ELF1: variants seen among roughly 807,000 people sequenced by gnomAD.
ELF1 encodes the protein ETS-related transcription factor Elf-1.
Under a neutral mutation model 59.9 loss-of-function variants are expected in ELF1, and 24 were observed. The ratio of observed to expected loss-of-function variants is 0.40; its 90% CI spans 0.29 to 0.56. The LOEUF (loss-of-function observed/expected upper bound fraction) is 0.56, where lower values mean the gene tolerates loss of function less well. ELF1 is among the 20% of genes least tolerant of loss of function. The pLI, the probability that ELF1 is intolerant of heterozygous loss-of-function variation, is 0.44. For synonymous variants in ELF1, 248 were observed against 266.2 expected (o/e 0.93, Z 0.67); for missense variants, 627 against 742.2 (o/e 0.84, Z 1.80).
chr13:41,061,067 C>A (rs945178427), exon 1 of ELF1: 5 of 194,500 alleles, frequency 2.6e-5, no homozygotes, highest in Admixed American at 6.1e-5. Flanking sequence ...CGAAGCCTAG[C>A]GACTCGCAGC....
At chr13:41,014,539 T>C (rs578168926) in intron 1 of ELF1, among the ~76,000 whole-genome samples, 91 of 152,244 alleles carry the variant, frequency 6.0e-4, no homozygotes, top group African/African-American at 2.0e-3. Flanking sequence ...GCCACTTTTA[T>C]TATAGTATAC....
At chr13:40,965,792 G>C (rs187070252) in intron 2 of ELF1, among the ~76,000 whole-genome samples, 156 of 152,114 alleles carry the variant, frequency 1.0e-3, no homozygotes, top group Admixed American at 3.2e-3. Context: ...TCTTTTATTT[G>C]CATCATGAAA....
At chr13:40,993,372 T>C in intron 1 of ELF1, 1 of 1,001,578 alleles carries the variant, frequency 1.0e-6, no homozygotes, top group Non-Finnish European at 1.6e-6. Context: ...CCTGCAGGTG[T>C]GGGCAGTGCA....
In ELF1 at chr13:40,981,026, A is replaced by G. The variant is rs1873230424; in HGVS notation, c.72+957T>C. ...ACACAGCTAAAAAAATTTTAATTTT[A>G]TAAAAATCATTAAATTCACTCTGCC... is the stretch of plus-strand genomic sequence containing the variant. On this transcript the variant is annotated intron_variant, in intron 2 of 8. Transcript: ENST00000239882. Among the ~76,000 whole-genome samples, 5 of 152,168 alleles carry G rather than the reference A, an allele frequency of 3.3e-5. No individual in the cohort carries two copies. The South Asian group carries it at 1.0e-3, about 31-fold the overall frequency.
intron 1 of ELF1, among the ~76,000 whole-genome samples, chr13:41,043,206 C>T (rs1876697398): frequency 6.6e-6 from 1 of 151,956 alleles, no homozygotes; most frequent in Non-Finnish European, 1.5e-5. Context: ...GGATATTAGC[C>T]CTTTGTCAGA....
chr13:40,941,273 C>T lies in ELF1; in HGVS notation c.904G>A (p.Glu302Lys). ...MPKDLIYINDEDPSSSIESSD... is the reference protein window; with the variant it reads ...MPKDLIYINDKDPSSSIESSD... ...GACTCTATGCTGGAACTTGGATCCT[C>T]ATCATTTATATATATAAGATCTTTT... The change falls in exon 8 of 9, where the codon GAG (glutamate) becomes AAG (lysine). Residue 302 changes from glutamate (E) to lysine (K), a missense_variant. Glu to Lys is a moderately conservative substitution (Grantham distance 56). Around this residue, in one of 3 missense-constraint regions of ELF1, gnomAD observed 361 missense variants for 396.1 expected, o/e 0.91. Transcript: ENST00000239882. The T allele has an allele frequency of 6.2e-7, 1 of 1,614,142 alleles. No homozygotes were observed. The highest frequency in any genetic ancestry group is 8.5e-7 in the Non-Finnish European group (1 of 1,179,998).
Position 40,949,786 on chromosome 13 carries a change from A to G in ELF1, c.529+20T>C. 6.2e-7 allele frequency: 1 copy of G among 1,613,082 alleles called. No homozygotes were observed. Among genetic ancestry groups the G allele is most frequent in the Non-Finnish European group, 8.5e-7 (1 of 1,179,482 alleles). Reference sequence around the variant, plus strand: ...ACACCAAGACTTGACTATGCGCCCTAAACAAAGTAACCCACCTACCTTTTT... The same window carrying G: ...ACACCAAGACTTGACTATGCGCCCTGAACAAAGTAACCCACCTACCTTTTT... On this transcript the variant is annotated intron_variant, in intron 5 of 8. Transcript: ENST00000239882.
chr13:40,980,766 C>T (rs1016826076), intron 2 of ELF1, among the ~76,000 whole-genome samples: 1 of 152,124 alleles, frequency 6.6e-6, no homozygotes, highest in African/African-American at 2.4e-5. Context: ...TACACACAAA[C>T]ATCCTGTCTT....
intron 1 of ELF1, among the ~76,000 whole-genome samples, chr13:40,996,136 T>C (rs949103281): frequency 1.3e-5 from 2 of 152,062 alleles, no homozygotes; most frequent in Non-Finnish European, 2.9e-5. Context: ...ACAAACCTAT[T>C]AGAATGGCCA....
chr13:40,983,400 A>G (rs1429605222), intron 1 of ELF1, among the ~76,000 whole-genome samples: 1 of 152,224 alleles, frequency 6.6e-6, no homozygotes, highest in Admixed American at 6.5e-5. Flanking sequence ...AGTATGTGTC[A>G]GCCAAATCAC....
Position 40,994,644 on chromosome 13 carries a change from A to G in ELF1, c.-228-12362T>C, listed in dbSNP as rs546028036. Among the ~76,000 whole-genome samples, 5 of 152,322 alleles carry G rather than the reference A, an allele frequency of 3.3e-5. No individual in the cohort carries two copies. The East Asian group carries it at 9.6e-4, about 29-fold the overall frequency. ...GGCAACAGAGCAAGACTCAGTCTCA[A>G]AAAGAAAGAAATAAACAAGCGAAAT... On this transcript the variant is annotated intron_variant, in intron 1 of 8. Transcript: ENST00000239882.
chr13:41,000,307 G>A (rs1171944959), intron 1 of ELF1, among the ~76,000 whole-genome samples: 1 of 120,656 alleles, frequency 8.3e-6, no homozygotes, highest in Non-Finnish European at 1.6e-5. Flanking sequence ...CTAAAGCACA[G>A]TGTCATTATC....
intron 3 of ELF1, 51 bp downstream of exon 3, chr13:40,958,785 C>G: frequency 6.5e-7 from 1 of 1,536,382 alleles, no homozygotes. Flanking sequence ...GATTAGGACA[C>G]TGCCTAAAGC....
Position 40,964,817 on chromosome 13 carries a change from G to A in ELF1, c.73-5801C>T, listed in dbSNP as rs74903352. 6.8e-3 allele frequency among the ~76,000 whole-genome samples: 1,028 copies of A among 152,226 alleles called. 9 individuals carry two copies. The highest frequency in any genetic ancestry group is 0.024 in the African/African-American group (981 of 41,514). ...CCCATAGTGTTGGGATTACAGGTGT[G>A]AGCCACCGCACCCAGCCCAAATTTC... On this transcript the variant is annotated intron_variant, in intron 2 of 8. Coordinates refer to ENST00000239882, the MANE Select transcript of ELF1 (RefSeq NM_172373.4).
Position 40,965,901 on chromosome 13 carries a change from A to G in ELF1, c.73-6885T>C, listed in dbSNP as rs116860606. Among the ~76,000 whole-genome samples, 395 of 152,326 alleles carry G rather than the reference A, an allele frequency of 2.6e-3. 6 individuals are homozygous for G. The East Asian group carries it at 0.05, about 19-fold the overall frequency. On this transcript the variant is annotated intron_variant, in intron 2 of 8. Coordinates refer to ENST00000239882, the MANE Select transcript of ELF1 (RefSeq NM_172373.4). ...CCCCACATGGGATAAAATAAATCAGACTATCTGGGGGTGTGACCAGAGCCT... is the reference window on the plus strand; with the variant it reads ...CCCCACATGGGATAAAATAAATCAGGCTATCTGGGGGTGTGACCAGAGCCT...
intron 2 of ELF1, among the ~76,000 whole-genome samples, chr13:40,971,917 A>C (rs1422898841): frequency 2.0e-5 from 3 of 150,068 alleles, no homozygotes; most frequent in Non-Finnish European, 4.4e-5. Context: ...AAACAGAATC[A>C]GTTATGAGGT....
chr13:41,002,116 G>A (rs1306621452), intron 1 of ELF1, among the ~76,000 whole-genome samples: 1 of 152,028 alleles, frequency 6.6e-6, no homozygotes, highest in East Asian at 1.9e-4. Context: ...ATCTGGGGGG[G>A]AAATAGGTAC....
chr13:41,029,577 T>C (rs1876083744), intron 1 of ELF1, among the ~76,000 whole-genome samples: 1 of 152,050 alleles, frequency 6.6e-6, no homozygotes, highest in Non-Finnish European at 1.5e-5. Context: ...AGACGAGGTT[T>C]TGCCATGTTG....
At chr13:41,045,821 T>C (rs935967012) in intron 1 of ELF1, among the ~76,000 whole-genome samples, 2 of 152,204 alleles carry the variant, frequency 1.3e-5, no homozygotes, top group Non-Finnish European at 2.9e-5. Context: ...CTGAGTTCAA[T>C]TCCTGGATAT....
Sources: gnomAD v4.1 joint callset for allele counts (sites outside exome capture counted in the v4.1 genomes callset) on GRCh38, gnomAD v4.1.1 for gene constraint, gnomAD v4.1.1 regional missense constraint, MANE v1.5 for transcripts, NCBI Gene and HGNC (gene_info 2026-07-23, HGNC 2026-07-21) for gene names.